UBR7: variants seen among roughly 807,000 people sequenced by gnomAD.
UBR7 encodes the protein ubiquitin protein ligase E3 component n-recognin 7.
UBR7 carries 22 observed loss-of-function variants against 57.0 expected under a neutral mutation model. The observed-to-expected ratio is 0.39, with a 90% CI of 0.28 to 0.55. The LOEUF (loss-of-function observed/expected upper bound fraction) is 0.55. Ranked by LOEUF, UBR7 falls within the 20% of genes least tolerant of loss-of-function variation. UBR7 has a pLI of 0.69. For synonymous variants in UBR7, 167 were observed against 179.8 expected (o/e 0.93, Z 0.57); for missense variants, 395 against 513.2 (o/e 0.77, Z 2.23).
chr14:93,223,200 C>T (rs1380200109), intron 10 of UBR7, among the ~76,000 whole-genome samples: 2 of 151,986 alleles, frequency 1.3e-5, no homozygotes, highest in African/African-American at 4.8e-5. Flanking sequence ...AGTTCAAGAC[C>T]AGCCTGGCCA....
At chr14:93,207,839 G>A (rs1009236312) in intron 1 of UBR7, among the ~76,000 whole-genome samples, 5 of 152,170 alleles carry the variant, frequency 3.3e-5, no homozygotes, top group South Asian at 2.1e-4. Context: ...TTATTTATTA[G>A]GGACCGAATG....
At chr14:93,212,583 T>C (rs573284902) in intron 4 of UBR7, among the ~76,000 whole-genome samples, 1 of 152,336 alleles carries the variant, frequency 6.6e-6, no homozygotes, top group South Asian at 2.1e-4. Flanking sequence ...TTAACACTTT[T>C]GGTGTGTATA....
chr14:93,218,558 G>C lies in UBR7; in HGVS notation c.633G>C (p.Leu211Phe). 1 of 1,614,098 alleles carries C rather than the reference G, an allele frequency of 6.2e-7. No homozygotes were observed. Among genetic ancestry groups the C allele is most frequent in the Non-Finnish European group, 8.5e-7 (1 of 1,180,026 alleles). Residue 211 changes from leucine (L) to phenylalanine (F), a missense_variant, in exon 7 of 11, where the codon TTG becomes TTC. Leu to Phe is a conservative substitution (Grantham distance 22). Transcript: ENST00000013070. ...VTKISTEDDG[L>F]VRNIDGIGDQ... is the part of the protein sequence containing the mutation. ...AAATATCCACTGAGGATGATGGATTGGTGCGGAACATTGATGGAATAGGTG... is the reference window on the plus strand; with the variant it reads ...AAATATCCACTGAGGATGATGGATTCGTGCGGAACATTGATGGAATAGGTG...
At chr14:93,226,103 T>C (rs182934275) in intron 10 of UBR7, among the ~76,000 whole-genome samples, 1 of 152,318 alleles carries the variant, frequency 6.6e-6, no homozygotes, top group East Asian at 1.9e-4. Flanking sequence ...ATGAAACTGG[T>C]GTATCAGCTA....
At chr14:93,221,209 C>T (rs897480004) in intron 9 of UBR7, among the ~76,000 whole-genome samples, 5 of 151,756 alleles carry the variant, frequency 3.3e-5, no homozygotes, top group Non-Finnish European at 7.4e-5. Context: ...CTCCCAGGTT[C>T]AAGTGATTCT....
At chr14:93,217,063 G>T (rs1894606679) in intron 6 of UBR7, among the ~76,000 whole-genome samples, 1 of 152,036 alleles carries the variant, frequency 6.6e-6, no homozygotes, top group Non-Finnish European at 1.5e-5. Flanking sequence ...ATCTTGCTCT[G>T]TTGCCCAGGC....
intron 2 of UBR7, among the ~76,000 whole-genome samples, chr14:93,210,274 G>C (rs971993231): frequency 6.6e-6 from 1 of 151,902 alleles, no homozygotes; most frequent in African/African-American, 2.4e-5. Context: ...TAGTAGAGAC[G>C]GTGTTTCACC....
chr14:93,210,829 C>A, intron 3 of UBR7, 121 bp downstream of exon 3: 1 of 793,864 alleles, frequency 1.3e-6, no homozygotes, highest in Non-Finnish European at 2.1e-6. Flanking sequence ...TTATTCTTTG[C>A]AGATGGCCAT....
rs1477442673 is a variant in UBR7 at position 93,228,393 on chromosome 14, A to G, written c.*1358A>G. On this transcript the variant is annotated 3_prime_UTR_variant, in exon 11 of 11. Transcript: ENST00000013070. Reference sequence around the variant, plus strand: ...GAGACACACCTTGATGTATGTTAATAAAAGCATTTCAGGCTGTGGGGCCAC... The same window carrying G: ...GAGACACACCTTGATGTATGTTAATGAAAGCATTTCAGGCTGTGGGGCCAC... 1 of 454,302 alleles carries G rather than the reference A, an allele frequency of 2.2e-6. No homozygotes were observed. Among genetic ancestry groups the G allele is most frequent in the East Asian group, 6.9e-5 (1 of 14,412 alleles). The allele number at this position is 454,302 out of a possible 1,614,324, so 28.1% of individuals were successfully genotyped here.
At chr14:93,213,994 T>G (rs1051192334) in intron 4 of UBR7, among the ~76,000 whole-genome samples, 10 of 152,108 alleles carry the variant, frequency 6.6e-5, no homozygotes, top group African/African-American at 2.4e-4. Context: ...TAGTGCGATC[T>G]CAGCTCACTG....
rs971666724 is a variant in UBR7, at chr14:93,227,197, T to G, written c.*162T>G. The G allele has an allele frequency of 1.5e-6, 1 of 647,914 alleles. No individual in the cohort carries two copies. Among genetic ancestry groups the G allele is most frequent in the African/African-American group, 1.8e-5 (1 of 55,926 alleles). 40.1% of individuals were successfully genotyped at this position (647,914 alleles called of 1,614,324 possible). On this transcript the variant is annotated 3_prime_UTR_variant, in exon 11 of 11. Coordinates refer to ENST00000013070, the MANE Select transcript of UBR7 (RefSeq NM_175748.4). ...TTAGCTGCAGTAGCCACCGTGTGGA[T>G]GCTGACTTCACAGCCAGCGTCCTCT...
Position 93,228,920 on chromosome 14 carries a change from G to C in UBR7, c.*1885G>C, listed in dbSNP as rs1327668442. On this transcript the variant is annotated 3_prime_UTR_variant, in exon 11 of 11. Transcript: ENST00000013070. ...CGATCAGTTAACTCAGCGCTGAAGG[G>C]CTTGTTTTATGAAAGGTACTATTCC... 4 of 453,984 alleles carry C rather than the reference G, an allele frequency of 8.8e-6. No homozygotes were observed. Among genetic ancestry groups the C allele is most frequent in the Non-Finnish European group, 1.3e-5 (3 of 226,798 alleles). 28.1% of individuals were successfully genotyped at this position (453,984 alleles called of 1,614,324 possible). A position where few individuals can be genotyped will look rare whatever the true frequency, so the allele number is the denominator to read the frequency against.
intron 10 of UBR7, chr14:93,223,960 C>T (rs1894774844): frequency 2.7e-6 from 2 of 734,522 alleles, no homozygotes; most frequent in Non-Finnish European, 4.9e-6. Flanking sequence ...AGACAATCTC[C>T]CCTGAAGACT....
In UBR7 at chr14:93,227,901, T is replaced by C. The variant is rs1233532733; in HGVS notation, c.*866T>C. 4.3e-6 allele frequency: 3 copies of C among 700,872 alleles called. No individual in the cohort carries two copies. The East Asian group carries it at 8.0e-5, about 19-fold the overall frequency. 43.4% of individuals were successfully genotyped at this position (700,872 alleles called of 1,614,324 possible). On this transcript the variant is annotated 3_prime_UTR_variant, in exon 11 of 11. Coordinates refer to ENST00000013070, the MANE Select transcript of UBR7 (RefSeq NM_175748.4). ...TGGTTTACGAAGTCCTCTGGATTTC[T>C]TGATATTATCAGGGATATTCATAAG...
In UBR7 at chr14:93,207,345, A is replaced by G. The variant is rs1894382369; in HGVS notation, c.54A>G (p.Val18=). ...AGRQSELEPV[V]SLVDVLEEDE... is the part of the protein sequence containing the mutation. The stretch of plus-strand genomic sequence containing the variant: ...GGCAGTCGGAGCTGGAGCCCGTGGT[A>G]TCGTTGGTCGACGTCCTTGAGGAGG... The change falls in exon 1 of 11, where the codon GTA becomes GTG. Residue 18 remains valine (V), a synonymous_variant. Transcript: ENST00000013070. 6.4e-7 allele frequency: 1 copy of G among 1,558,310 alleles called. No individual in the cohort carries two copies. The highest frequency in any genetic ancestry group is 2.4e-5 in the East Asian group (1 of 41,712).
Position 93,227,173 on chromosome 14 carries a change from T to C in UBR7, c.*138T>C. ...GGCCTCGCGCTCCCTTCATTCTCTT[T>C]AGCTGCAGTAGCCACCGTGTGGATG... On this transcript the variant is annotated 3_prime_UTR_variant, in exon 11 of 11. Transcript: ENST00000013070. The C allele has an allele frequency of 1.5e-6, 1 of 665,280 alleles. No individual in the cohort carries two copies. The highest frequency in any genetic ancestry group is 2.7e-6 in the Non-Finnish European group (1 of 367,836). The allele number at this position is 665,280 out of a possible 1,614,324, so 41.2% of individuals were successfully genotyped here.
chr14:93,223,130 G>T (rs1268058379), intron 10 of UBR7, among the ~76,000 whole-genome samples: 1 of 152,142 alleles, frequency 6.6e-6, no homozygotes, highest in Non-Finnish European at 1.5e-5. Context: ...GGGTGCAGTG[G>T]CTCACGCCTT....
At chr14:93,225,353 G>A (rs533299370) in intron 10 of UBR7, among the ~76,000 whole-genome samples, 2 of 151,466 alleles carry the variant, frequency 1.3e-5, no homozygotes, top group East Asian at 1.9e-4. Flanking sequence ...TAGACTGGGT[G>A]CAGTGTCTCA....
intron 7 of UBR7, 60 bp from the exon 8 acceptor site, chr14:93,219,152 C>G (rs1894653332): frequency 1.9e-6 from 3 of 1,573,762 alleles, no homozygotes; most frequent in Non-Finnish European, 1.7e-6. Flanking sequence ...TTTACAAAAT[C>G]TAAACTATGA....
Sources: gnomAD v4.1 joint callset for allele counts (sites outside exome capture counted in the v4.1 genomes callset) on GRCh38, gnomAD v4.1.1 for gene constraint, MANE v1.5 for transcripts, NCBI Gene and HGNC (gene_info 2026-07-23, HGNC 2026-07-21) for gene names.